SORCS3: variants seen among roughly 807,000 people sequenced by gnomAD.
The protein encoded by SORCS3 is VPS10 domain-containing receptor SorCS3.
Under a neutral mutation model 146.3 loss-of-function variants are expected in SORCS3, and 57 were observed. The ratio of observed to expected loss-of-function variants is 0.39; its 90% CI spans 0.31 to 0.49. The LOEUF (loss-of-function observed/expected upper bound fraction) is 0.49. SORCS3 is among the 20% of genes least tolerant of loss of function. The pLI, the probability that SORCS3 is intolerant of heterozygous loss-of-function variation, is 0.92. For synonymous variants in SORCS3, 653 were observed against 618.5 expected (o/e 1.06, Z -0.83); for missense variants, 1,341 against 1,575.5 (o/e 0.85, Z 2.52).
At position 104,962,573 on chromosome 10, in the gene SORCS3, C is replaced by G. The variant is rs529319253; in HGVS notation, c.796-14762C>G. Reference sequence around the variant, plus strand: ...TCCACACTGAGTCTTCTTCACTACCCCACCCTCATGACACACCTGTCCTGC... The same window carrying G: ...TCCACACTGAGTCTTCTTCACTACCGCACCCTCATGACACACCTGTCCTGC... On this transcript the variant is annotated intron_variant, in intron 3 of 26. Coordinates refer to ENST00000369701, the MANE Select transcript of SORCS3 (RefSeq NM_014978.3). Among the ~76,000 whole-genome samples the G allele has an allele frequency of 2.4e-4, 37 of 152,254 alleles. 1 individual carries two copies. The South Asian group carries it at 7.5e-3, about 31-fold the overall frequency.
At chr10:105,130,236 C>T (rs1261514852) in intron 7 of SORCS3, among the ~76,000 whole-genome samples, 2 of 151,980 alleles carry the variant, frequency 1.3e-5, no homozygotes, top group African/African-American at 2.4e-5. Context: ...GTGGTATGAG[C>T]GGGATTTAAA....
chr10:104,727,677 G>T (rs1200452456), intron 1 of SORCS3, among the ~76,000 whole-genome samples: 1 of 152,004 alleles, frequency 6.6e-6, no homozygotes, highest in Non-Finnish European at 1.5e-5. Context: ...CAACCCCTGG[G>T]CTGTAGACCA....
chr10:105,043,240 C>A, intron 5 of SORCS3, 112 bp downstream of exon 5: 1 of 895,958 alleles, frequency 1.1e-6, no homozygotes, highest in Non-Finnish European at 1.8e-6. Flanking sequence ...TGTTCCAGTC[C>A]TTTGCTACAC....
rs149602103 is a variant in SORCS3 at position 105,209,929 on chromosome 10, G to A, written c.2262-1208G>A. Among the ~76,000 whole-genome samples, 4 of 152,246 alleles carry A rather than the reference G, an allele frequency of 2.6e-5. No individual in the cohort carries two copies. In the East Asian group the frequency reaches 7.7e-4, roughly 29 times the overall value. On this transcript the variant is annotated intron_variant, in intron 16 of 26. Transcript: ENST00000369701. ...TGGTTTTATTCTGTTCTTTAGTCAT[G>A]TTTGGGGTATGCTGTATCTCTCTCC...
chr10:104,860,443 T>G (rs2018387689), intron 2 of SORCS3, among the ~76,000 whole-genome samples: 16 of 118,848 alleles, frequency 1.3e-4, no homozygotes, highest in African/African-American at 2.9e-4. Flanking sequence ...GGGGGAGGGG[T>G]AGCATTAGGA....
intron 1 of SORCS3, among the ~76,000 whole-genome samples, chr10:104,785,572 T>C (rs1197804669): frequency 2.9e-5 from 2 of 68,238 alleles, no homozygotes; most frequent in Non-Finnish European, 5.5e-5. Context: ...ACCCAAGAAT[T>C]ATCAATAAAA....
chr10:105,029,859 C>T (rs1474414747), intron 4 of SORCS3, among the ~76,000 whole-genome samples: 2 of 152,202 alleles, frequency 1.3e-5, no homozygotes, highest in Non-Finnish European at 2.9e-5. Context: ...CAGAGTTTCT[C>T]CCTTCTTCCC....
In SORCS3 at chr10:104,969,303, T is replaced by TTGTGTG. The variant is rs59557629; in HGVS notation, c.796-7999_796-7994dup. Among the ~76,000 whole-genome samples the TTGTGTG allele has an allele frequency of 6.2e-3, 869 of 140,636 alleles. 4 individuals carry two copies. Among genetic ancestry groups the TTGTGTG allele is most frequent in the Middle Eastern group, 0.014 (4 of 282 alleles). The allele number at this position is 140,636 out of a possible 152,430, so 92.3% of individuals were successfully genotyped here. A position where few individuals can be genotyped will look rare whatever the true frequency, so the allele number is the denominator to read the frequency against. ...TTCTCAGAGATGCTTTCAAAAAGGA[T>TTGTGTG]TGTGTGTGTGTGTGTGTGTGTGTGT... On this transcript the variant is annotated intron_variant, in intron 3 of 26. Transcript: ENST00000369701.
At chr10:105,068,762 T>C (rs2133724246) in intron 5 of SORCS3, among the ~76,000 whole-genome samples, 1 of 152,290 alleles carries the variant, frequency 6.6e-6, no homozygotes, top group African/African-American at 2.4e-5. Context: ...CAATTCAAGG[T>C]TATCAGTAAA....
intron 4 of SORCS3, among the ~76,000 whole-genome samples, chr10:105,040,984 TATAA>T (rs1031718490): frequency 1.4e-5 from 2 of 147,634 alleles, no homozygotes; most frequent in African/African-American, 4.9e-5. Flanking sequence ...ATTTAGCATA[TATAA>T]ATATATATAT....
intron 1 of SORCS3, among the ~76,000 whole-genome samples, chr10:104,733,520 A>ATTT (rs34203788): frequency 8.1e-6 from 1 of 123,354 alleles, no homozygotes; most frequent in South Asian, 2.8e-4. Context: ...CTGATGATTA[A>ATTT]TTTTTTTTTT....
intron 7 of SORCS3, among the ~76,000 whole-genome samples, chr10:105,118,803 A>T (rs2055911025): frequency 6.6e-6 from 1 of 152,110 alleles, no homozygotes; most frequent in African/African-American, 2.4e-5. Flanking sequence ...TTTGAGAGAG[A>T]TGATTTAGGG....
intron 14 of SORCS3, among the ~76,000 whole-genome samples, chr10:105,185,164 TA>T (rs1186974319): frequency 1.3e-5 from 2 of 152,152 alleles, no homozygotes; most frequent in African/African-American, 4.8e-5. Flanking sequence ...AAAAATAAAA[TA>T]AAAAACACTC....
At chr10:104,664,943 C>A (rs1205793629) in intron 1 of SORCS3, 1 of 152,508 alleles carries the variant, frequency 6.6e-6, no homozygotes, top group Admixed American at 6.6e-5. Context: ...GGGATGGGAT[C>A]GGGGTGGAGG....
At chr10:105,164,107 CA>C (rs2056291812) in intron 11 of SORCS3, among the ~76,000 whole-genome samples, 195 bp from the exon 12 acceptor site, 1 of 152,194 alleles carries the variant, frequency 6.6e-6, no homozygotes, top group African/African-American at 2.4e-5. Context: ...GCATTTCTGT[CA>C]TACTATTTAG....
chr10:105,026,132 ATCTGTGACTCC>A (rs2055228307), intron 4 of SORCS3, among the ~76,000 whole-genome samples: 1 of 152,150 alleles, frequency 6.6e-6, no homozygotes, highest in African/African-American at 2.4e-5. Context: ...TCTCAGAGCT[ATCTGTGACTCC>A]TCTTTTTTCC....
chr10:105,136,946 T>C (rs2056062902), intron 7 of SORCS3, among the ~76,000 whole-genome samples: 2 of 152,170 alleles, frequency 1.3e-5, no homozygotes, highest in African/African-American at 4.8e-5. Context: ...GTGTGAGCTT[T>C]TAAGAGAGTC....
intron 4 of SORCS3, among the ~76,000 whole-genome samples, chr10:104,987,055 T>C (rs2054966251): frequency 6.6e-6 from 1 of 152,136 alleles, no homozygotes; most frequent in Non-Finnish European, 1.5e-5. Flanking sequence ...TGAAATGATG[T>C]ATGCCTGTAC....
chr10:104,975,406 A>C (rs1217645776), intron 3 of SORCS3, among the ~76,000 whole-genome samples: 1 of 152,138 alleles, frequency 6.6e-6, no homozygotes, highest in Non-Finnish European at 1.5e-5. Context: ...CAATGAAATA[A>C]AAGAGGATAC....
Sources: gnomAD v4.1 joint callset for allele counts (sites outside exome capture counted in the v4.1 genomes callset) on GRCh38, gnomAD v4.1.1 for gene constraint, MANE v1.5 for transcripts, NCBI Gene and HGNC (gene_info 2026-07-23, HGNC 2026-07-21) for gene names.